Variants in DNAH9 observed in about 807,000 individuals in gnomAD.
DNAH9 encodes DNAH9 variant protein.
A neutral mutation model predicts 471.6 loss-of-function variants in DNAH9; 345 were observed. The observed-to-expected ratio is 0.73, with a 90% CI of 0.67 to 0.80. DNAH9 has a LOEUF of 0.80. DNAH9 is among the 30% of genes least tolerant of loss of function. The pLI is 0.00. For synonymous variants in DNAH9, 2,093 were observed against 2,123.6 expected, an observed-to-expected ratio of 0.99 and a Z score of 0.40; for missense variants, 5,407 against 5,609.2, an observed-to-expected ratio of 0.96 and a Z score of 1.15.
intron 67 of DNAH9, among the ~76,000 whole-genome samples, chr17:11,950,468 A>G (rs924729120): frequency 4.6e-5 from 7 of 152,114 alleles, no homozygotes; most frequent in African/African-American, 1.4e-4. Context: ...ATGGCTCAAG[A>G]GATCTTCCCA....
In DNAH9 at chr17:11,902,648, C is replaced by G. The variant is rs1027944259; in HGVS notation, c.11407-71C>G. 5.0e-6 allele frequency: 7 copies of G among 1,408,822 alleles called. No homozygotes were observed. In the South Asian group the frequency reaches 9.2e-5, roughly 19 times the overall value. The allele number at this position is 1,408,822 out of a possible 1,614,324, so 87.3% of individuals were successfully genotyped here. On this transcript the variant is annotated intron_variant, in intron 59 of 68. Coordinates refer to ENST00000262442, the MANE Select transcript of DNAH9 (RefSeq NM_001372.4). The stretch of plus-strand genomic sequence containing the variant: ...GTGTAGATAAGACCATCTGGCCCCT[C>G]AATCCCCCAACACAATGCAAATGAC...
rs775063726 is a variant in DNAH9, at chr17:11,823,029, G to C, written c.9241G>C (p.Ala3081Pro). The change falls in exon 48 of 69, where the codon GCC becomes CCC. Residue 3081 changes from alanine (A) to proline (P), a missense_variant. Ala to Pro is a conservative substitution (Grantham distance 27, BLOSUM62 -1). This residue lies in a region of DNAH9 where 4,636 missense variants were observed against 4,900.3 expected (regional missense o/e 0.95). Coordinates refer to ENST00000262442, the MANE Select transcript of DNAH9 (RefSeq NM_001372.4). ...GCTGCTGAAGCTGCATAGCACCTCT[G>C]CCCAGGTGAGCAATGTCCCGCTCCT... ...NGLLKLHSTSAQVDDLKAKLA... is the reference protein window; with the variant it reads ...NGLLKLHSTSPQVDDLKAKLA... The C allele has an allele frequency of 4.3e-6, 7 of 1,611,468 alleles. No homozygotes were observed. Among genetic ancestry groups the C allele is most frequent in the Non-Finnish European group, 5.1e-6 (6 of 1,178,630 alleles).
rs369066742 is a variant in DNAH9 at position 11,640,903 on chromosome 17, C to T, written c.1901+519C>T. Among the ~76,000 whole-genome samples the T allele has an allele frequency of 1.1e-4, 16 of 152,036 alleles. No individual in the cohort carries two copies. In the South Asian group the frequency reaches 1.5e-3, roughly 14 times the overall value. On this transcript the variant is annotated intron_variant, in intron 10 of 68. Transcript: ENST00000262442. The stretch of plus-strand genomic sequence containing the variant: ...CAGCAAGCTCCTCCTGTGATTCTGA[C>T]GGTGACCAGGTTTGGAAACCCTCAG...
rs1212102188 is a variant in DNAH9, at chr17:11,719,466, C to T, written c.5685C>T (p.Asn1895=). 1.2e-6 allele frequency: 2 copies of T among 1,613,516 alleles called. No homozygotes were observed. Among genetic ancestry groups the T allele is most frequent in the African/African-American group, 2.7e-5 (2 of 74,874 alleles). ...RALGILVYVF[N]CSEQMDYKSC... is the part of the protein sequence containing the mutation. ...TGGGCATCCTGGTCTATGTGTTCAA[C>T]TGCTCGGAGCAGATGGATTACAAGG... The change falls in exon 27 of 69, where the codon AAC becomes AAT. Residue 1895 remains asparagine, a synonymous_variant. Transcript: ENST00000262442.
chr17:11,745,961 C>T (rs1365475907), intron 31 of DNAH9, among the ~76,000 whole-genome samples: 1 of 152,086 alleles, frequency 6.6e-6, no homozygotes, highest in African/African-American at 2.4e-5. Context: ...TTTAGGTTAT[C>T]CAACATGTTA....
intron 35 of DNAH9, among the ~76,000 whole-genome samples, chr17:11,760,842 C>T (rs977696455): frequency 3.3e-5 from 5 of 152,176 alleles, no homozygotes; most frequent in Non-Finnish European, 7.4e-5. Context: ...CTCACAGCCA[C>T]CCTGCGGATG....
In DNAH9 at chr17:11,812,042, T is replaced by TATAC. The variant is rs1412316890; in HGVS notation, c.8707+1676_8707+1677insCATA. Among the ~76,000 whole-genome samples, 3 of 71,716 alleles carry TATAC rather than the reference T, an allele frequency of 4.2e-5. 1 individual carries two copies. The highest frequency in any genetic ancestry group is 8.3e-5 in the Non-Finnish European group (3 of 36,026). The allele number at this position is 71,716 out of a possible 152,430, so 47.0% of individuals were successfully genotyped here. A position where few individuals can be genotyped will look rare whatever the true frequency, so the allele number is the denominator to read the frequency against. On this transcript the variant is annotated intron_variant, in intron 45 of 68. Coordinates refer to ENST00000262442, the MANE Select transcript of DNAH9 (RefSeq NM_001372.4). ...AAAAAAAAAAATATATATATATATATATATATATATATACACATACATACA... is the reference window on the plus strand; with the variant it reads ...AAAAAAAAAAATATATATATATATATATACATATATATATATACACATACATACA...
At chr17:11,866,590 G>A (rs1478871351) in intron 50 of DNAH9, among the ~76,000 whole-genome samples, 2 of 152,220 alleles carry the variant, frequency 1.3e-5, no homozygotes, top group Admixed American at 6.5e-5. Context: ...GGTTACTGCT[G>A]TCTTTTTGTT....
In DNAH9 at chr17:11,937,040, A is replaced by C. The variant is rs1974734333; in HGVS notation, c.12490-312A>C. Among the ~76,000 whole-genome samples the C allele has an allele frequency of 6.6e-6, 1 of 152,194 alleles. No homozygotes were observed. The highest frequency in any genetic ancestry group is 1.5e-5 in the Non-Finnish European group (1 of 68,030). The stretch of plus-strand genomic sequence containing the variant: ...TATGAGAAGTCCTCCTCTGGTCTGC[A>C]GGAAAAAGAGTCATCAGGGAGGAGT... On this transcript the variant is annotated intron_variant, in intron 65 of 68. Transcript: ENST00000262442. This position sits in a 1 kb window ranked among gnomAD's most constrained non-coding sequence, Gnocchi z 4.1.
chr17:11,806,286 G>A (rs1354530494), intron 43 of DNAH9, among the ~76,000 whole-genome samples: 2 of 152,164 alleles, frequency 1.3e-5, no homozygotes, highest in African/African-American at 4.8e-5. Context: ...TCTAAAGACT[G>A]TCTTACTGTT....
chr17:11,883,282 T>C, intron 55 of DNAH9: 1 of 1,083,644 alleles, frequency 9.2e-7, no homozygotes, highest in Non-Finnish European at 1.1e-6. Context: ...CTCCGTTTAG[T>C]GAACACTGAT....
chr17:11,859,026 GT>G (rs1326814167), intron 50 of DNAH9, among the ~76,000 whole-genome samples: 1 of 148,770 alleles, frequency 6.7e-6, no homozygotes, highest in African/African-American at 2.5e-5. Context: ...AGAGGTTGCA[GT>G]GAGCCAAGAT....
intron 45 of DNAH9, among the ~76,000 whole-genome samples, chr17:11,818,428 TAA>T (rs1555602557): frequency 1.8e-4 from 25 of 139,760 alleles, no homozygotes; most frequent in Admixed American, 1.4e-4. Context: ...ACTCCGTATT[TAA>T]AAAAAAAAAA....
At chr17:11,663,889 T>C (rs2073820104) in intron 14 of DNAH9, among the ~76,000 whole-genome samples, 1 of 152,202 alleles carries the variant, frequency 6.6e-6, no homozygotes, top group African/African-American at 2.4e-5. Context: ...ACATCTTAAG[T>C]CTACTTAAGA....
At chr17:11,643,364 G>A (rs999538712) in intron 10 of DNAH9, among the ~76,000 whole-genome samples, 11 of 152,164 alleles carry the variant, frequency 7.2e-5, no homozygotes, top group African/African-American at 1.7e-4. Context: ...ATGTAAAAAC[G>A]TGAAGAAGTG....
intron 2 of DNAH9, 70 bp from the exon 3 acceptor site, chr17:11,610,326 C>T (rs778274755): frequency 9.2e-6 from 12 of 1,304,816 alleles, no homozygotes; most frequent in Non-Finnish European, 1.3e-5. Flanking sequence ...TGGGGTACAC[C>T]CAGGGTTATT....
At chr17:11,843,890 T>TATATATATATATATACACAC (rs1389217941) in intron 49 of DNAH9, among the ~76,000 whole-genome samples, 28 of 127,216 alleles carry the variant, frequency 2.2e-4, no homozygotes, top group African/African-American at 8.3e-4. Flanking sequence ...TATATATATA[T>TATATATATATATATACACAC]ACACATAGAG....
At chr17:11,667,161 T>C (rs569917501) in intron 15 of DNAH9, among the ~76,000 whole-genome samples, 1 of 152,334 alleles carries the variant, frequency 6.6e-6, no homozygotes, top group South Asian at 2.1e-4. Flanking sequence ...TCAAGTCTTT[T>C]GAATTCCGTA....
At chr17:11,866,454 C>CTCAGGGG (rs1245599126) in intron 50 of DNAH9, among the ~76,000 whole-genome samples, 2 of 152,152 alleles carry the variant, frequency 1.3e-5, no homozygotes, top group African/African-American at 4.8e-5. Context: ...AGTTAGGCTG[C>CTCAGGGG]TCAGGGGTCA....
Sources: gnomAD v4.1 joint callset for allele counts (sites outside exome capture counted in the v4.1 genomes callset) on GRCh38, gnomAD v4.1.1 for gene constraint, gnomAD v4.1.1 regional missense constraint, Gnocchi (gnomAD v3.1) non-coding constraint, MANE v1.5 for transcripts, NCBI Gene and HGNC (gene_info 2026-07-23, HGNC 2026-07-21) for gene names.